CELSR2: variants seen among roughly 807,000 people sequenced by gnomAD.
CELSR2 encodes cadherin EGF LAG seven-pass G-type receptor 2, also known as EGF-like protein 2.
Under a neutral mutation model 251.6 loss-of-function variants are expected in CELSR2, and 81 were observed. The ratio of observed to expected loss-of-function variants is 0.32; its 90% CI spans 0.27 to 0.39. The LOEUF (loss-of-function observed/expected upper bound fraction) is 0.39. CELSR2 is among the 10% of genes least tolerant of loss of function. The pLI, the probability that CELSR2 is intolerant of heterozygous loss-of-function variation, is 1.00. For missense variants in CELSR2, 3,365 were observed against 3,947.7 expected (o/e 0.85, Z 3.96); for synonymous variants, 1,721 against 1,670.5 (o/e 1.03, Z -0.74).
intron 1 of CELSR2, among the ~76,000 whole-genome samples, chr1:109,255,083 C>T (rs1371570041): frequency 2.0e-5 from 3 of 152,206 alleles, no homozygotes; most frequent in African/African-American, 7.2e-5. Flanking sequence ...CTCGGGGCAA[C>T]ATCCAGGACG....
chr1:109,270,294 G>A (rs1656332481), intron 23 of CELSR2, 132 bp from the exon 24 acceptor site: 2 of 1,285,426 alleles, frequency 1.6e-6, no homozygotes. Context: ...GGATCCCCCA[G>A]CACCTGCCTC....
Position 109,252,703 on chromosome 1 carries a change from C to T in CELSR2, c.2624C>T (p.Thr875Met), listed in dbSNP as rs772622829. ...GAGTCCACGTCAGGCATCGTGCGAA[C>T]GCTACGGAGGCTGGATCGAGAGAAC... Reference protein sequence around the residue: ...IVESTSGIVRTLRRLDRENVA... With the variant: ...IVESTSGIVRMLRRLDRENVA... The change falls in exon 1 of 34, where the codon ACG becomes ATG. Residue 875 changes from threonine to methionine, a missense_variant. This residue lies in a region of CELSR2 where 505 missense variants were observed against 660.0 expected (regional missense o/e 0.77). Transcript: ENST00000271332. This position sits in a 1 kb window ranked among gnomAD's most constrained non-coding sequence, Gnocchi z 4.8. 3.1e-6 allele frequency: 5 copies of T among 1,614,060 alleles called. No homozygotes were observed. Among genetic ancestry groups the T allele is most frequent in the Non-Finnish European group, 4.2e-6 (5 of 1,180,040 alleles).
chr1:109,264,994 C>T lies in CELSR2; in HGVS notation c.5591C>T (p.Pro1864Leu), dbSNP rs764334326. 5 of 1,614,192 alleles carry T rather than the reference C, an allele frequency of 3.1e-6. No homozygotes were observed. The highest frequency in any genetic ancestry group is 4.2e-6 in the Non-Finnish European group (5 of 1,180,028). Residue 1864 changes from proline (P) to leucine (L), a missense_variant, in exon 12 of 34, where the codon CCA becomes CTA. Physicochemically the swap from Pro to Leu is moderately conservative, Grantham distance 98. Around this residue, in one of 5 missense-constraint regions of CELSR2, gnomAD observed 2,093 missense variants for 2,382.8 expected, o/e 0.88. Coordinates refer to ENST00000271332, the MANE Select transcript of CELSR2 (RefSeq NM_001408.3). ...GAGTGTCCCCCAAATTACCTTGGGCCATACTGTGAGACCAGGTAAGCAGAC... is the reference window on the plus strand; with the variant it reads ...GAGTGTCCCCCAAATTACCTTGGGCTATACTGTGAGACCAGGTAAGCAGAC... The part of the protein sequence containing the change: ...TCECPPNYLG[P>L]YCETRIDQPC...
chr1:109,271,237 C>A lies in CELSR2; in HGVS notation c.7617C>A (p.Ile2539=). 1 of 1,614,026 alleles carries A rather than the reference C, an allele frequency of 6.2e-7. No homozygotes were observed. Among genetic ancestry groups the A allele is most frequent in the South Asian group, 1.1e-5 (1 of 91,070 alleles). Residue 2539 remains isoleucine, a synonymous_variant, in exon 26 of 34, where the codon ATC becomes ATA. Coordinates refer to ENST00000271332, the MANE Select transcript of CELSR2 (RefSeq NM_001408.3). ...CCTAGATGAGTGTCTTCCTGTACAT[C>A]CTGGCGGCCCGGGCCTCCTGTGCTG... ...FAVSMSVFLY[I]LAARASCAAQ... is the part of the protein sequence containing the mutation.
chr1:109,273,960 T>G, intron 33 of CELSR2, 62 bp from the exon 34 acceptor site: 1 of 1,590,082 alleles, frequency 6.3e-7, no homozygotes, highest in Non-Finnish European at 8.6e-7. Flanking sequence ...TTTCACTCTC[T>G]CCTCTGTTTC....
chr1:109,261,603 G>A lies in CELSR2; in HGVS notation c.4272G>A (p.Glu1424=), dbSNP rs1443768354. ...TTGTGGCCCTCGAGGTGATCCAGGAGCAGGTCCAGCTCACCTTCTCTGCAG... is the reference window on the plus strand; with the variant it reads ...TTGTGGCCCTCGAGGTGATCCAGGAACAGGTCCAGCTCACCTTCTCTGCAG... ...HDFVALEVIQ[E]QVQLTFSAGE... Residue 1424 remains glutamate, a synonymous_variant, in exon 4 of 34, where the codon GAG becomes GAA. Coordinates refer to ENST00000271332, the MANE Select transcript of CELSR2 (RefSeq NM_001408.3). The surrounding 1 kb of genome is among the most constrained non-coding windows in gnomAD (Gnocchi z 4.8). The A allele has an allele frequency of 1.9e-6, 3 of 1,613,990 alleles. No individual in the cohort carries two copies. The highest frequency in any genetic ancestry group is 1.7e-6 in the Non-Finnish European group (2 of 1,179,968).
chr1:109,261,571 C>T lies in CELSR2; in HGVS notation c.4240C>T (p.His1414Tyr). 6.2e-7 allele frequency: 1 copy of T among 1,614,190 alleles called. No individual in the cohort carries two copies. The highest frequency in any genetic ancestry group is 1.3e-5 in the African/African-American group (1 of 75,050). The change falls in exon 4 of 34, where the codon CAT becomes TAT. Residue 1414 changes from histidine to tyrosine, a missense_variant. Physicochemically the swap from His to Tyr is moderately conservative, Grantham distance 83. Coordinates refer to ENST00000271332, the MANE Select transcript of CELSR2 (RefSeq NM_001408.3). The surrounding 1 kb of genome is among the most constrained non-coding windows in gnomAD (Gnocchi z 4.8). ...LLYNGRFNEK[H>Y]DFVALEVIQE... is the part of the protein sequence containing the mutation. ...GTACAATGGGCGTTTCAATGAGAAG[C>T]ATGACTTTGTGGCCCTCGAGGTGAT...
chr1:109,251,052 C>G lies in CELSR2; in HGVS notation c.973C>G (p.Leu325Val). 1 of 1,613,546 alleles carries G rather than the reference C, an allele frequency of 6.2e-7. No homozygotes were observed. The highest frequency in any genetic ancestry group is 2.2e-5 in the East Asian group (1 of 44,874). Residue 325 changes from leucine (L) to valine (V), a missense_variant, in exon 1 of 34, where the codon CTG becomes GTG. By Grantham distance (32) the Leu-to-Val change is conservative. Transcript: ENST00000271332. This position sits in a 1 kb window ranked among gnomAD's most constrained non-coding sequence, Gnocchi z 4.9. ...DGDAPPNANI[L>V]YRLLEGSGGS... Reference sequence around the variant, plus strand: ...TGATGCCCCTCCCAATGCCAATATTCTGTACCGCCTGCTGGAGGGGTCTGG... The same window carrying G: ...TGATGCCCCTCCCAATGCCAATATTGTGTACCGCCTGCTGGAGGGGTCTGG...
chr1:109,273,578 C>A lies in CELSR2; in HGVS notation c.8652C>A (p.Pro2884=). The A allele has an allele frequency of 6.4e-7, 1 of 1,562,010 alleles. No homozygotes were observed. The highest frequency in any genetic ancestry group is 2.4e-5 in the East Asian group (1 of 41,838). ...SRGGPPPRPP[P]RQSLQEQLNG... ...GAGGCCCCCCTCCCCGCCCACCGCCCCGGCAGAGCCTCCAGGAGCAGCTGA... is the reference window on the plus strand; with the variant it reads ...GAGGCCCCCCTCCCCGCCCACCGCCACGGCAGAGCCTCCAGGAGCAGCTGA... The change falls in exon 33 of 34, where the codon CCC becomes CCA. Residue 2884 remains proline (P), a synonymous_variant. Coordinates refer to ENST00000271332, the MANE Select transcript of CELSR2 (RefSeq NM_001408.3).
At chr1:109,272,140 G>T in intron 28 of CELSR2, 138 bp from the exon 29 acceptor site, 2 of 1,160,196 alleles carry the variant, frequency 1.7e-6, no homozygotes, top group Non-Finnish European at 1.2e-6. Flanking sequence ...TGGGGACAGC[G>T]GAGAAGCAGG....
chr1:109,272,235 C>T, intron 28 of CELSR2, 43 bp from the exon 29 acceptor site: 1 of 1,525,280 alleles, frequency 6.6e-7, no homozygotes, highest in East Asian at 2.3e-5. Flanking sequence ...CTGGGGCCAG[C>T]CATCCCACTC....
chr1:109,273,185 C>T lies in CELSR2; in HGVS notation c.8358C>T (p.Gly2786=). The T allele has an allele frequency of 6.2e-7, 1 of 1,607,360 alleles. No individual in the cohort carries two copies. Among genetic ancestry groups the T allele is most frequent in the East Asian group, 2.3e-5 (1 of 44,020 alleles). Residue 2786 remains glycine, a synonymous_variant, in exon 32 of 34, where the codon GGC becomes GGT. Transcript: ENST00000271332. ...STPKDGGPGP[G]KAPWPGDFGT... is the part of the protein sequence containing the mutation. The stretch of plus-strand genomic sequence containing the variant: ...CACCAGATGGGGGCCCAGGGCCTGG[C>T]AAGGCCCCCTGGCCAGGAGACTTTG...
chr1:109,258,424 C>G lies in CELSR2; in HGVS notation c.3311-8C>G. ...CAGGCTGGGTCCTGACTGTGTCCCTCTCCACAGACGGCGTACACAGCGTGA... is the reference window on the plus strand; with the variant it reads ...CAGGCTGGGTCCTGACTGTGTCCCTGTCCACAGACGGCGTACACAGCGTGA... On this transcript the variant is annotated splice_polypyrimidine_tract_variant and splice_region_variant and intron_variant, in intron 1 of 33. Coordinates refer to ENST00000271332, the MANE Select transcript of CELSR2 (RefSeq NM_001408.3). The G allele has an allele frequency of 6.4e-7, 1 of 1,559,044 alleles. No homozygotes were observed. The highest frequency in any genetic ancestry group is 8.7e-7 in the Non-Finnish European group (1 of 1,148,308).
intron 2 of CELSR2, among the ~76,000 whole-genome samples, chr1:109,259,720 TG>T (rs1655966681): frequency 6.6e-6 from 1 of 152,122 alleles, no homozygotes; most frequent in South Asian, 2.1e-4. Context: ...AGTTCTGAGA[TG>T]GGGTGCTCCA....
At chr1:109,257,392 G>A (rs1185372110) in intron 1 of CELSR2, among the ~76,000 whole-genome samples, 1 of 150,808 alleles carries the variant, frequency 6.6e-6, no homozygotes, top group Admixed American at 6.6e-5. Context: ...GCCCTGTAAA[G>A]CCATTTCCTC....
At chr1:109,258,338 G>A in intron 1 of CELSR2, 94 bp from the exon 2 acceptor site, 1 of 882,192 alleles carries the variant, frequency 1.1e-6, no homozygotes, top group South Asian at 1.9e-5. Flanking sequence ...CCTTATGCCA[G>A]TTGGAAAGGA....
rs759566155 is a variant in CELSR2 at position 109,261,102 on chromosome 1, G to A, written c.4019G>A (p.Gly1340Glu). Residue 1340 changes from glycine to glutamate, a missense_variant, in exon 3 of 34, where the codon GGG becomes GAG. Transcript: ENST00000271332. This position sits in a 1 kb window ranked among gnomAD's most constrained non-coding sequence, Gnocchi z 4.8. ...GRCTPGVCKN[G>E]GTCVNLLVGG... ...TGCACCCCGGGTGTCTGCAAGAATG[G>A]GGGCACCTGTGTCAACCTGCTGGTG... 3 of 1,614,138 alleles carry A rather than the reference G, an allele frequency of 1.9e-6. No homozygotes were observed. The highest frequency in any genetic ancestry group is 2.2e-5 in the East Asian group (1 of 44,886).
At chr1:109,264,672 G>A in intron 11 of CELSR2, 44 bp downstream of exon 11, 1 of 1,595,984 alleles carries the variant, frequency 6.3e-7, no homozygotes, top group Non-Finnish European at 8.6e-7. Context: ...TCAGGTGCCT[G>A]GGGCCACATG....
At position 109,269,877 on chromosome 1, in the gene CELSR2, G is replaced by T. The variant is rs1656319194; in HGVS notation, c.7108-56G>T. ...GGGTGGGCACCCAGGGCACGGGGCT[G>T]GGTGCTCAGGTCCTGCCCTTCCTAA... is the stretch of plus-strand genomic sequence containing the variant. On this transcript the variant is annotated intron_variant, in intron 22 of 33. Coordinates refer to ENST00000271332, the MANE Select transcript of CELSR2 (RefSeq NM_001408.3). The surrounding 1 kb of genome is among the most constrained non-coding windows in gnomAD (Gnocchi z 6.4). The T allele has an allele frequency of 1.2e-6, 2 of 1,613,438 alleles. No homozygotes were observed. Among genetic ancestry groups the T allele is most frequent in the Non-Finnish European group, 1.7e-6 (2 of 1,179,738 alleles).
Sources: gnomAD v4.1 joint callset for allele counts (sites outside exome capture counted in the v4.1 genomes callset) on GRCh38, gnomAD v4.1.1 for gene constraint, gnomAD v4.1.1 regional missense constraint, Gnocchi (gnomAD v3.1) non-coding constraint, MANE v1.5 for transcripts, NCBI Gene and HGNC (gene_info 2026-07-23, HGNC 2026-07-21) for gene names.